Variants in MXI1 observed in about 807,000 individuals in gnomAD.
MXI1 encodes the protein max-interacting protein 1.
A neutral mutation model predicts 36.9 loss-of-function variants in MXI1; 18 were observed. That is an observed-to-expected ratio of 0.49 (90% CI 0.34 to 0.72). MXI1 has a LOEUF of 0.72. Among genes scored for constraint, MXI1 ranks in the 30% least tolerant of loss-of-function variants. MXI1 has a pLI of 0.01. For missense variants in MXI1, 304 were observed against 379.1 expected, an observed-to-expected ratio of 0.80 and a Z score of 1.64; for synonymous variants, 160 against 146.7, an observed-to-expected ratio of 1.09 and a Z score of -0.65.
chr10:110,274,419 C>G (rs1001944131), intron 3 of MXI1, among the ~76,000 whole-genome samples: 1 of 152,002 alleles, frequency 6.6e-6, no homozygotes, highest in Non-Finnish European at 1.5e-5. Flanking sequence ...TAACCCCATC[C>G]CTCTCAGCAA....
intron 1 of MXI1, chr10:110,208,359 G>A (rs1164746235): frequency 1.6e-5 from 5 of 305,572 alleles, no homozygotes; most frequent in Non-Finnish European, 3.1e-5. Context: ...AGGAGCGGGG[G>A]AGTGTTGTTG....
chr10:110,266,727 T>C (rs893516651), intron 3 of MXI1, among the ~76,000 whole-genome samples: 1 of 152,318 alleles, frequency 6.6e-6, no homozygotes, highest in South Asian at 2.1e-4. Context: ...TTGTACATTA[T>C]ATTTTATCTG....
intron 2 of MXI1, among the ~76,000 whole-genome samples, chr10:110,233,107 A>G (rs1855331879): frequency 6.6e-6 from 1 of 152,174 alleles, no homozygotes; most frequent in Non-Finnish European, 1.5e-5. Flanking sequence ...TCAAGTTGAT[A>G]TATTTCTTCT....
chr10:110,228,463 T>A, intron 2 of MXI1, 142 bp downstream of exon 2: 3 of 994,160 alleles, frequency 3.0e-6, no homozygotes, highest in Non-Finnish European at 4.4e-6. Context: ...TAATGAAGTC[T>A]AGAAATCATA....
intron 3 of MXI1, among the ~76,000 whole-genome samples, chr10:110,263,088 A>G (rs1216495980): frequency 2.0e-5 from 3 of 152,160 alleles, no homozygotes; most frequent in Non-Finnish European, 4.4e-5. Flanking sequence ...TGCACTTAGT[A>G]CTTAAGGTGA....
intron 3 of MXI1, among the ~76,000 whole-genome samples, chr10:110,265,724 T>C (rs2134439917): frequency 6.6e-6 from 1 of 152,234 alleles, no homozygotes; most frequent in Middle Eastern, 3.4e-3. Context: ...AAGTGCTAAG[T>C]TGTATGTGTT....
chr10:110,226,286 A>T, intron 1 of MXI1: 1 of 1,489,908 alleles, frequency 6.7e-7, no homozygotes, highest in East Asian at 2.8e-5. Flanking sequence ...GGAGCGAGGT[A>T]ATGGCTGGGC....
chr10:110,271,776 A>G (rs1032838409), intron 3 of MXI1, among the ~76,000 whole-genome samples: 5 of 152,222 alleles, frequency 3.3e-5, no homozygotes, highest in Admixed American at 6.5e-5. Flanking sequence ...TCAGTGGTAT[A>G]ATAAGGCACT....
intron 2 of MXI1, among the ~76,000 whole-genome samples, chr10:110,234,789 ATATGTT>A (rs952736274): frequency 5.9e-5 from 9 of 152,192 alleles, no homozygotes; most frequent in African/African-American, 1.7e-4. Flanking sequence ...AACTTCGAGA[ATATGTT>A]TAAGAGCAAT....
At chr10:110,280,273 G>GA (rs1016095347) in intron 5 of MXI1, among the ~76,000 whole-genome samples, 188 bp downstream of exon 5, 14 of 150,578 alleles carry the variant, frequency 9.3e-5, no homozygotes, top group Non-Finnish European at 1.9e-4. Flanking sequence ...TTTTTTCCTT[G>GA]AAAAAAAATA....
At chr10:110,266,330 G>A (rs953733472) in intron 3 of MXI1, among the ~76,000 whole-genome samples, 4 of 151,970 alleles carry the variant, frequency 2.6e-5, no homozygotes, top group African/African-American at 4.8e-5. Flanking sequence ...GGCTAGTCTC[G>A]AACTCCTGAC....
rs778636494 is a variant in MXI1 at position 110,279,881 on chromosome 10, T to C, written c.553-33T>C. 3.8e-5 allele frequency: 60 copies of C among 1,566,066 alleles called. No homozygotes were observed. The Admixed American group carries it at 1.0e-3, about 26-fold the overall frequency. ...CAGTTTTATTGTTTGTACTGGACTA[T>C]ACACAAATGTAAAAATCATTTCATC... On this transcript the variant is annotated intron_variant, in intron 4 of 5. Transcript: ENST00000332674.
chr10:110,237,353 T>A (rs1332823925), intron 2 of MXI1, among the ~76,000 whole-genome samples: 1 of 152,224 alleles, frequency 6.6e-6, no homozygotes, highest in East Asian at 1.9e-4. Flanking sequence ...TTAGGTTGAG[T>A]AAATTCCCTT....
intron 1 of MXI1, among the ~76,000 whole-genome samples, chr10:110,211,402 C>A (rs1854511685): frequency 1.3e-5 from 2 of 152,182 alleles, no homozygotes; most frequent in African/African-American, 4.8e-5. Context: ...GTAGTGCGGC[C>A]AGCTGGTCCA....
At chr10:110,272,812 C>A (rs1386983446) in intron 3 of MXI1, among the ~76,000 whole-genome samples, 1 of 151,656 alleles carries the variant, frequency 6.6e-6, no homozygotes, top group Non-Finnish European at 1.5e-5. Context: ...GTGAAAGCTG[C>A]TTTTTTGAAA....
intron 3 of MXI1, among the ~76,000 whole-genome samples, chr10:110,264,441 C>A (rs1170629942): frequency 6.6e-6 from 1 of 150,794 alleles, no homozygotes; most frequent in Non-Finnish European, 1.5e-5. Context: ...TCTTGGCTCA[C>A]TGCAACTTCC....
chr10:110,277,889 C>A (rs189875285), intron 3 of MXI1, among the ~76,000 whole-genome samples: 1 of 152,262 alleles, frequency 6.6e-6, no homozygotes, highest in Admixed American at 6.5e-5. Context: ...TTTCAAATTG[C>A]TAGCCTTTGA....
At chr10:110,262,409 T>A (rs977325322) in intron 3 of MXI1, among the ~76,000 whole-genome samples, 2 of 152,046 alleles carry the variant, frequency 1.3e-5, no homozygotes, top group Non-Finnish European at 2.9e-5. Flanking sequence ...TGAGGGATGA[T>A]TGTATTTCTA....
chr10:110,242,477 G>A (rs1855705180), intron 2 of MXI1, among the ~76,000 whole-genome samples: 1 of 151,940 alleles, frequency 6.6e-6, no homozygotes. Flanking sequence ...TGGCAACATG[G>A]TAATGATTTG....
Sources: gnomAD v4.1 joint callset for allele counts (sites outside exome capture counted in the v4.1 genomes callset) on GRCh38, gnomAD v4.1.1 for gene constraint, MANE v1.5 for transcripts, NCBI Gene and HGNC (gene_info 2026-07-23, HGNC 2026-07-21) for gene names.